The following ITGA4 variants were observed in gnomAD, a reference collection of about 807,000 sequenced individuals.
ITGA4 encodes the protein integrin alpha-4.
ITGA4 carries 63 observed loss-of-function variants against 133.6 expected under a neutral mutation model. The ratio of observed to expected loss-of-function variants is 0.47; its 90% confidence interval spans 0.38 to 0.58. The LOEUF is 0.58. Ranked by LOEUF, ITGA4 falls within the 20% of genes least tolerant of loss-of-function variation. The pLI, the probability that ITGA4 is intolerant of heterozygous loss-of-function variation, is 0.00. For synonymous variants in ITGA4, 483 were observed against 438.0 expected, an observed-to-expected ratio of 1.10 and a Z score of -1.28; for missense variants, 1,076 against 1,252.7, an observed-to-expected ratio of 0.86 and a Z score of 2.13.
chr2:181,530,794 C>A, intron 24 of ITGA4, 145 bp downstream of exon 24: 1 of 723,508 alleles, frequency 1.4e-6, no homozygotes, highest in Non-Finnish European at 2.3e-6. Flanking sequence ...AAGGAACAAG[C>A]ATGGTTGGAA....
At chr2:181,474,894 A>C in intron 2 of ITGA4, 66 bp from the exon 3 acceptor site, 1 of 1,193,000 alleles carries the variant, frequency 8.4e-7, no homozygotes, top group Non-Finnish European at 1.2e-6. Flanking sequence ...GGATGAGTGC[A>C]CAGTTTTCTC....
chr2:181,458,335 C>T lies in ITGA4; in HGVS notation c.319+18C>T. On this transcript the variant is annotated intron_variant, in intron 2 of 27. Transcript: ENST00000397033. ...CCAGCTGGGTGAGTTGGGTATGGGA[C>T]CAGGAGTTAGTGACCTCCCGACCCC... 2 of 1,606,930 alleles carry T rather than the reference C, an allele frequency of 1.2e-6. No homozygotes were observed. The highest frequency in any genetic ancestry group is 1.7e-4 in the Middle Eastern group (1 of 6,058).
At position 181,534,792 on chromosome 2, in the gene ITGA4, T is replaced by TTTTA; in HGVS notation, c.2884-20_2884-17dup. ...CTGATTTTTTTTTTTGGTTTTTGAG[T>TTTTA]TTTATTTTTCTTAACTCACGTAGGT... On this transcript the variant is annotated intron_variant, in intron 26 of 27. Transcript: ENST00000397033. 4 of 1,566,084 alleles carry TTTTA rather than the reference T, an allele frequency of 2.6e-6. No homozygotes were observed. In the East Asian group the frequency reaches 9.1e-5, roughly 36 times the overall value.
Position 181,525,193 on chromosome 2 carries a change from T to G in ITGA4, c.2250-9T>G. On this transcript the variant is annotated splice_polypyrimidine_tract_variant and intron_variant, in intron 20 of 27. Transcript: ENST00000397033. ...GTGAATTCTAACAGGGTGTTTTCTG[T>G]TTGTATAGTGAAAATGAAGAGGAAA... The G allele has an allele frequency of 6.5e-7, 1 of 1,548,646 alleles. No individual in the cohort carries two copies. The highest frequency in any genetic ancestry group is 8.9e-7 in the Non-Finnish European group (1 of 1,121,398).
intron 5 of ITGA4, chr2:181,479,786 A>G (rs1685763330): frequency 6.4e-6 from 1 of 155,048 alleles, no homozygotes; most frequent in Non-Finnish European, 1.4e-5. Context: ...TATCTCCATA[A>G]TTAGCACTAA....
chr2:181,514,718 C>T (rs1686572876), intron 17 of ITGA4, among the ~76,000 whole-genome samples: 1 of 152,050 alleles, frequency 6.6e-6, no homozygotes, highest in South Asian at 2.1e-4. Flanking sequence ...TTAAATCAGA[C>T]ACTTGTGCTA....
chr2:181,524,563 G>A (rs186515283), intron 20 of ITGA4, among the ~76,000 whole-genome samples: 84 of 152,168 alleles, frequency 5.5e-4, no homozygotes, highest in African/African-American at 2.0e-3. Context: ...AAAAGTGAGG[G>A]TAATGACTTC....
intron 17 of ITGA4, among the ~76,000 whole-genome samples, chr2:181,519,723 T>G (rs957800630): frequency 6.6e-6 from 1 of 152,156 alleles, no homozygotes; most frequent in African/African-American, 2.4e-5. Context: ...GGGGTACAGA[T>G]CGCAATGTGG....
rs768429897 is a variant in ITGA4 at position 181,538,196 on chromosome 2, CA to C, written c.*2670del. ...AAACAATTACATGTTACTTTGGAAT[CA>C]TTTCTTCCATGCTTCCTCCATAAAG... is the stretch of plus-strand genomic sequence containing the variant. On this transcript the variant is annotated 3_prime_UTR_variant, in exon 28 of 28. Coordinates refer to ENST00000397033, the MANE Select transcript of ITGA4 (RefSeq NM_000885.6). The C allele has an allele frequency of 3.9e-5, 62 of 1,578,372 alleles. No individual in the cohort carries two copies. Among genetic ancestry groups the C allele is most frequent in the Non-Finnish European group, 5.4e-5 (62 of 1,148,948 alleles).
In ITGA4 at chr2:181,523,880, G is replaced by A. The variant is rs1175595231; in HGVS notation, c.2170-291G>A. ...CTATACAAAAAGGTGTTTTTGGCAA[G>A]AGTCTCCACTCAAGTTGTGAAAGCA... On this transcript the variant is annotated intron_variant, in intron 19 of 27. Coordinates refer to ENST00000397033, the MANE Select transcript of ITGA4 (RefSeq NM_000885.6). This position sits in a 1 kb window ranked among gnomAD's most constrained non-coding sequence, Gnocchi z 4.2. 2.0e-5 allele frequency among the ~76,000 whole-genome samples: 3 copies of A among 152,122 alleles called. No homozygotes were observed. Among genetic ancestry groups the A allele is most frequent in the African/African-American group, 7.2e-5 (3 of 41,440 alleles).
At chr2:181,521,572 A>G (rs558436740) in intron 17 of ITGA4, among the ~76,000 whole-genome samples, 10 of 152,326 alleles carry the variant, frequency 6.6e-5, no homozygotes, top group East Asian at 1.9e-4. Context: ...ATACTTTGCA[A>G]TACACAGGAG....
Position 181,535,365 on chromosome 2 carries a change from A to G in ITGA4, c.3004-67A>G, listed in dbSNP as rs144195027. On this transcript the variant is annotated intron_variant, in intron 27 of 27. Coordinates refer to ENST00000397033, the MANE Select transcript of ITGA4 (RefSeq NM_000885.6). Reference sequence around the variant, plus strand: ...TTGGTGTTAACTGCTTAGATATTAGAAATGAGTATAGTAGATAAGAGAGTG... The same window carrying G: ...TTGGTGTTAACTGCTTAGATATTAGGAATGAGTATAGTAGATAAGAGAGTG... 3.0e-3 allele frequency: 3,604 copies of G among 1,213,862 alleles called. 41 individuals are homozygous for G. The highest frequency in any genetic ancestry group is 0.029 in the African/African-American group (1,899 of 65,626). 75.2% of individuals were successfully genotyped at this position (1,213,862 alleles called of 1,614,324 possible).
At chr2:181,466,885 T>C (rs1461169241) in intron 2 of ITGA4, among the ~76,000 whole-genome samples, 1 of 152,116 alleles carries the variant, frequency 6.6e-6, no homozygotes, top group South Asian at 2.1e-4. Context: ...GCAGAGGCAT[T>C]GATTATTTAT....
At chr2:181,464,666 T>G (rs1372461087) in intron 2 of ITGA4, among the ~76,000 whole-genome samples, 2 of 152,078 alleles carry the variant, frequency 1.3e-5, no homozygotes, top group East Asian at 3.9e-4. Context: ...TTTCATCTTT[T>G]TCACATTTGG....
intron 15 of ITGA4, among the ~76,000 whole-genome samples, chr2:181,503,303 T>G (rs868422771): frequency 4.6e-5 from 7 of 152,262 alleles, no homozygotes; most frequent in Middle Eastern, 3.4e-3. Flanking sequence ...TTATTCTCTT[T>G]TAATCACAAT....
intron 2 of ITGA4, among the ~76,000 whole-genome samples, chr2:181,472,646 C>G (rs1156759623): frequency 6.6e-6 from 1 of 152,124 alleles, no homozygotes; most frequent in Non-Finnish European, 1.5e-5. Flanking sequence ...TTAGTGAAAA[C>G]TGAAAATTGT....
At chr2:181,465,659 G>T (rs1268276607) in intron 2 of ITGA4, among the ~76,000 whole-genome samples, 5 of 152,116 alleles carry the variant, frequency 3.3e-5, no homozygotes, top group Admixed American at 6.6e-5. Flanking sequence ...ATTTTCTAAT[G>T]TTAGAGGTTT....
intron 23 of ITGA4, 98 bp downstream of exon 23, chr2:181,529,746 ATAAT>A: frequency 1.5e-6 from 1 of 662,956 alleles, no homozygotes; most frequent in Non-Finnish European, 2.7e-6. Flanking sequence ...GTGAAAATGG[ATAAT>A]TGTTAACTTA....
At chr2:181,493,216 A>G in intron 10 of ITGA4, 109 bp from the exon 11 acceptor site, 1 of 657,368 alleles carries the variant, frequency 1.5e-6, no homozygotes, top group Non-Finnish European at 2.6e-6. Context: ...TATTTTTCAT[A>G]AAAGAGAGTT....
Sources: allele counts gnomAD v4.1 joint callset (sites outside exome capture counted in the v4.1 genomes callset), GRCh38; gene constraint gnomAD v4.1.1; non-coding constraint Gnocchi (gnomAD v3.1); transcripts MANE v1.5; gene names NCBI Gene and HGNC (gene_info 2026-07-23, HGNC 2026-07-21).